DCST1: variants seen among roughly 807,000 people sequenced by gnomAD.
DCST1 encodes E3 ubiquitin-protein ligase DCST1.
DCST1 carries 78 observed loss-of-function variants against 89.1 expected under a neutral mutation model. The observed-to-expected ratio is 0.88, with a 90% confidence interval of 0.73 to 1.06. The LOEUF (loss-of-function observed/expected upper bound fraction) is 1.06, where lower values mean the gene tolerates loss of function less well. DCST1 is among the 50% of genes least tolerant of loss of function. The probability of loss-of-function intolerance (pLI) is 0.00; values close to 1 mark genes in which losing one functional copy is unlikely to be tolerated. For synonymous variants in DCST1, 364 were observed against 371.9 expected, an observed-to-expected ratio of 0.98 and a Z score of 0.24; for missense variants, 900 against 928.6, an observed-to-expected ratio of 0.97 and a Z score of 0.40.
Position 155,043,427 on chromosome 1 carries a change from T to G in DCST1, c.1090T>G (p.Tyr364Asp). The change falls in exon 10 of 17, where the codon TAC (tyrosine) becomes GAC (aspartate). Residue 364 changes from tyrosine (Y) to aspartate (D), a missense_variant. By Grantham distance (160) the Tyr-to-Asp change is radical. Transcript: ENST00000295542. ...RVSTEVRDYVYRQEARLEWAL... is the reference protein window; with the variant it reads ...RVSTEVRDYVDRQEARLEWAL... ...GAGCACCGAGGTGCGGGACTACGTG[T>G]ACCGCCAGGAGGCCCGGCTGGAGTG... 1 of 1,613,666 alleles carries G rather than the reference T, an allele frequency of 6.2e-7. No homozygotes were observed. The highest frequency in any genetic ancestry group is 8.5e-7 in the Non-Finnish European group (1 of 1,179,824).
At chr1:155,038,629 T>TTCCAG (rs1484130492) in intron 4 of DCST1, among the ~76,000 whole-genome samples, 5 of 152,216 alleles carry the variant, frequency 3.3e-5, no homozygotes, top group Admixed American at 1.3e-4. Flanking sequence ...TCCTTTGGCC[T>TTCCAG]GGAATGCCAT....
rs371907563 is a variant in DCST1 at position 155,048,596 on chromosome 1, A to G, written c.1869+426A>G. ...ATTACAGGCGTGAGCCACCAAGCCC[A>G]GCCAAGCCCGGTGTAATCTGATGCA... On this transcript the variant is annotated intron_variant, in intron 16 of 16. Coordinates refer to ENST00000295542, the MANE Select transcript of DCST1 (RefSeq NM_152494.4). Among the ~76,000 whole-genome samples, 283 of 152,316 alleles carry G rather than the reference A, an allele frequency of 1.9e-3. 3 individuals carry two copies. The highest frequency in any genetic ancestry group is 6.5e-3 in the African/African-American group (272 of 41,560).
At chr1:155,039,990 CAAAAAAAAAAAA>C (rs55764638) in intron 5 of DCST1, among the ~76,000 whole-genome samples, 9 of 13,392 alleles carry the variant, frequency 6.7e-4, no homozygotes, top group South Asian at 3.8e-3. Flanking sequence ...GACTCCGTCT[CAAAAAAAAAAAA>C]AAAAAAAAAA....
chr1:155,048,361 G>A (rs556535210), intron 16 of DCST1, among the ~76,000 whole-genome samples, 191 bp downstream of exon 16: 2 of 152,260 alleles, frequency 1.3e-5, no homozygotes, highest in South Asian at 2.1e-4. Context: ...GCACGATCTC[G>A]GCTCACTGCA....
chr1:155,040,084 C>T (rs1031317290), intron 5 of DCST1, among the ~76,000 whole-genome samples: 6 of 146,560 alleles, frequency 4.1e-5, no homozygotes, highest in African/African-American at 1.5e-4. Context: ...GGGCGGATCA[C>T]GAAGTCAGGA....
intron 4 of DCST1, among the ~76,000 whole-genome samples, chr1:155,036,047 C>CAAAAAAAAA (rs11445380): frequency 1.4e-5 from 1 of 71,246 alleles, no homozygotes; most frequent in Non-Finnish European, 2.7e-5. Context: ...AACTCTGTCT[C>CAAAAAAAAA]AAAAAAAAAA....
intron 4 of DCST1, among the ~76,000 whole-genome samples, chr1:155,038,472 T>TTA (rs1176930322): frequency 2.0e-5 from 3 of 152,202 alleles, no homozygotes; most frequent in Non-Finnish European, 4.4e-5. Flanking sequence ...ACTCATCAGG[T>TTA]TATAGTCCCA....
intron 5 of DCST1, 42 bp from the exon 6 acceptor site, chr1:155,040,427 GGGTTTGAGAAAGTGCT>G: frequency 6.5e-7 from 1 of 1,539,564 alleles, no homozygotes; most frequent in Non-Finnish European, 8.8e-7. Flanking sequence ...GAAGCTGAGC[GGGTTTGAGAAAGTGCT>G]GGTTATACAG....
chr1:155,045,999 G>A lies in DCST1; in HGVS notation c.1272+7G>A. ...TGACCGCAGGAAGAAGCTGGTGAGT[G>A]GGCACGGCACTGCCCGGGGATGCCT... is the stretch of plus-strand genomic sequence containing the variant. On this transcript the variant is annotated splice_region_variant and intron_variant, in intron 11 of 16. Coordinates refer to ENST00000295542, the MANE Select transcript of DCST1 (RefSeq NM_152494.4). The A allele has an allele frequency of 6.2e-7, 1 of 1,614,064 alleles. No individual in the cohort carries two copies. Among genetic ancestry groups the A allele is most frequent in the East Asian group, 2.2e-5 (1 of 44,882 alleles).
intron 4 of DCST1, among the ~76,000 whole-genome samples, chr1:155,037,825 A>G (rs1660320152): frequency 6.6e-6 from 1 of 152,238 alleles, no homozygotes; most frequent in African/African-American, 2.4e-5. Context: ...GAAGACACCC[A>G]TAGCTCCATG....
chr1:155,049,696 T>G (rs1312367495), intron 16 of DCST1, among the ~76,000 whole-genome samples: 1 of 152,206 alleles, frequency 6.6e-6, no homozygotes, highest in Admixed American at 6.5e-5. Flanking sequence ...AAAGTGAGAC[T>G]GTGTTTGCTT....
chr1:155,047,140 C>T lies in DCST1; in HGVS notation c.1496-56C>T, dbSNP rs200514815. On this transcript the variant is annotated intron_variant, in intron 13 of 16. Coordinates refer to ENST00000295542, the MANE Select transcript of DCST1 (RefSeq NM_152494.4). ...CCCTCCCTGACATCCACCCCCTTAA[C>T]ACATTCCTGATTTCTCCACCTGCCC... 6.2e-4 allele frequency: 863 copies of T among 1,396,104 alleles called. 3 individuals carry two copies. The highest frequency in any genetic ancestry group is 8.0e-4 in the Non-Finnish European group (786 of 983,160). The allele number at this position is 1,396,104 out of a possible 1,614,324, so 86.5% of individuals were successfully genotyped here.
chr1:155,047,233 CA>C lies in DCST1; in HGVS notation c.1534del (p.Met512CysfsTer2). The stretch of plus-strand genomic sequence containing the variant: ...TGGAGGTGAAGGTCGGGGGAGACTC[CA>C]TGCTAGCCCGGCTTCTTCGAAAAAC... ...KLEVKVGGDS[M>X]LARLLRKTIG... On this transcript the variant is annotated frameshift_variant, in exon 14 of 17. Transcript: ENST00000295542. LOFTEE classifies it high-confidence loss of function. 1 of 1,614,210 alleles carries C rather than the reference CA, an allele frequency of 6.2e-7. No individual in the cohort carries two copies. Among genetic ancestry groups the C allele is most frequent in the Non-Finnish European group, 8.5e-7 (1 of 1,180,042 alleles).
chr1:155,034,806 G>T, intron 4 of DCST1, 79 bp downstream of exon 4: 1 of 1,516,996 alleles, frequency 6.6e-7, no homozygotes, highest in Non-Finnish European at 9.1e-7. Flanking sequence ...GGAAGGAGTC[G>T]GGACTTGTTT....
rs1571579505 is a variant in DCST1 at position 155,050,872 on chromosome 1, G to A, written c.*4G>A. ...CGACACTGCCTACGCGGGGTGAAGAGGCGTCCTGCTCGCTCTTCCGCACCG... is the reference window on the plus strand; with the variant it reads ...CGACACTGCCTACGCGGGGTGAAGAAGCGTCCTGCTCGCTCTTCCGCACCG... On this transcript the variant is annotated 3_prime_UTR_variant, in exon 17 of 17. Transcript: ENST00000295542. The A allele has an allele frequency of 1.2e-6, 2 of 1,607,468 alleles. No individual in the cohort carries two copies. The highest frequency in any genetic ancestry group is 2.7e-5 in the African/African-American group (2 of 74,808).
intron 16 of DCST1, among the ~76,000 whole-genome samples, chr1:155,049,567 A>C (rs1660796837): frequency 6.6e-6 from 1 of 152,076 alleles, no homozygotes; most frequent in Non-Finnish European, 1.5e-5. Context: ...GGCACACACT[A>C]CCACGCCCGG....
intron 14 of DCST1, 121 bp from the exon 15 acceptor site, chr1:155,047,666 A>C (rs1230813979): frequency 1.2e-6 from 1 of 849,708 alleles, no homozygotes; most frequent in East Asian, 2.6e-5. Context: ...AGTGAGGGGC[A>C]GGCAGGAGGA....
At chr1:155,040,994 G>A (rs150193888) in intron 6 of DCST1, among the ~76,000 whole-genome samples, 1 of 152,232 alleles carries the variant, frequency 6.6e-6, no homozygotes, top group Admixed American at 6.5e-5. Context: ...GGGAGAATTG[G>A]AGAGCTGGAG....
In DCST1 at chr1:155,047,299, A is replaced by C. The variant is rs768144315; in HGVS notation, c.1599A>C (p.Glu533Asp). The C allele has an allele frequency of 5.0e-6, 8 of 1,613,170 alleles. No individual in the cohort carries two copies. The highest frequency in any genetic ancestry group is 5.9e-6 in the Non-Finnish European group (7 of 1,179,284). ...ACACCTCCTCAGAGACAGTGATGGAATCAAACAACATGCGTGAGTGATGCT... is the reference window on the plus strand; with the variant it reads ...ACACCTCCTCAGAGACAGTGATGGACTCAAACAACATGCGTGAGTGATGCT... Reference protein sequence around the residue: ...ALNTSSETVMESNNMPCLPQP... With the variant: ...ALNTSSETVMDSNNMPCLPQP... Residue 533 changes from glutamate (E) to aspartate (D), a missense_variant, in exon 14 of 17, where the codon GAA becomes GAC. Physicochemically the swap from Glu to Asp is conservative, Grantham distance 45. Transcript: ENST00000295542.
Sources: allele counts gnomAD v4.1 joint callset (sites outside exome capture counted in the v4.1 genomes callset), GRCh38; gene constraint gnomAD v4.1.1; transcripts MANE v1.5; gene names NCBI Gene and HGNC (gene_info 2026-07-23, HGNC 2026-07-21).